Variants in DNAJC10 observed in about 807,000 individuals in gnomAD.
DNAJC10 encodes the protein DnaJ heat shock protein family (Hsp40) member C10, also known as endoplasmic reticulum disulfide reductase DNAJC10.
DNAJC10 carries 101 observed loss-of-function variants against 115.0 expected under a neutral mutation model. The ratio of observed to expected loss-of-function variants is 0.88; its 90% CI spans 0.75 to 1.04. The LOEUF (loss-of-function observed/expected upper bound fraction) is 1.04, where lower values mean the gene tolerates loss of function less well. Among genes scored for constraint, DNAJC10 ranks in the 50% least tolerant of loss-of-function variants. The pLI is 0.00. For synonymous variants in DNAJC10, 307 were observed against 301.5 expected (o/e 1.02, Z -0.19); for missense variants, 981 against 928.8 (o/e 1.06, Z -0.73).
rs1333958880 is a variant in DNAJC10 at position 182,720,043 on chromosome 2, A to G, written c.241A>G (p.Asn81Asp). 6.3e-7 allele frequency: 1 copy of G among 1,587,072 alleles called. No homozygotes were observed. The highest frequency in any genetic ancestry group is 1.3e-5 in the African/African-American group (1 of 74,202). Residue 81 changes from asparagine (N) to aspartate (D), a missense_variant, in exon 4 of 24, where the codon AAT becomes GAT. Coordinates refer to ENST00000264065, the MANE Select transcript of DNAJC10 (RefSeq NM_018981.4). ...PNAHGDFLKINRAYEVLKDED... is the reference protein window; with the variant it reads ...PNAHGDFLKIDRAYEVLKDED... ...TGCACATGGCGATTTTTTAAAAATA[A>G]ATAGAGCATATGAAGTACTCAAAGA...
Position 182,789,645 on chromosome 2 carries a change from G to A in DNAJC10, c.*12513G>A, listed in dbSNP as rs1171226804. 2 of 152,186 alleles carry A rather than the reference G, an allele frequency of 1.3e-5. No individual in the cohort carries two copies. The highest frequency in any genetic ancestry group is 2.9e-5 in the Non-Finnish European group (2 of 68,048). The allele number at this position is 152,186 out of a possible 1,614,324, so 9.4% of individuals were successfully genotyped here. ...GCAAATAATGCTGCTATAAACATGG[G>A]TGTACAAATATCAGAAACCCTGCTT... On this transcript the variant is annotated 3_prime_UTR_variant, in exon 24 of 24. Transcript: ENST00000264065.
Position 182,721,982 on chromosome 2 carries a change from G to A in DNAJC10, c.368-43G>A, listed in dbSNP as rs186478814. On this transcript the variant is annotated intron_variant, in intron 4 of 23. Transcript: ENST00000264065. ...CTATTTTTATGTTGCAATTTATATGGTGAAGTTTTGATTTTATAATTTTTA... is the reference window on the plus strand; with the variant it reads ...CTATTTTTATGTTGCAATTTATATGATGAAGTTTTGATTTTATAATTTTTA... 222 of 1,135,586 alleles carry A rather than the reference G, an allele frequency of 2.0e-4. 1 individual carries two copies. In the African/African-American group the frequency reaches 3.5e-3, roughly 18 times the overall value. 70.3% of individuals were successfully genotyped at this position (1,135,586 alleles called of 1,614,324 possible).
chr2:182,773,680 A>G lies in DNAJC10; in HGVS notation c.2266-1636A>G, dbSNP rs188635558. Among the ~76,000 whole-genome samples, 7 of 152,344 alleles carry G rather than the reference A, an allele frequency of 4.6e-5. No homozygotes were observed. The East Asian group carries it at 9.6e-4, about 21-fold the overall frequency. On this transcript the variant is annotated intron_variant, in intron 22 of 23. Coordinates refer to ENST00000264065, the MANE Select transcript of DNAJC10 (RefSeq NM_018981.4). Reference sequence around the variant, plus strand: ...TTGTGCCATGGTTTTCAACTCCATCAGGTCCTTTAAGGTCTTCTCTACACT... The same window carrying G: ...TTGTGCCATGGTTTTCAACTCCATCGGGTCCTTTAAGGTCTTCTCTACACT...
At chr2:182,733,827 A>AGATTGATT (rs1553488441) in intron 10 of DNAJC10, among the ~76,000 whole-genome samples, 2 of 144,022 alleles carry the variant, frequency 1.4e-5, no homozygotes, top group African/African-American at 2.6e-5. Flanking sequence ...ATAGATAGAT[A>AGATTGATT]GATTTTCTAC....
rs529385788 is a variant in DNAJC10 at position 182,780,389 on chromosome 2, C to G, written c.*3257C>G. ...CCACCTCCTCTCTTTCTCGCTCCTT[C>G]TCTGTGTGACATGCCTTCTCCCCCC... On this transcript the variant is annotated 3_prime_UTR_variant, in exon 24 of 24. Transcript: ENST00000264065. 6.6e-6 allele frequency: 1 copy of G among 152,242 alleles called. No individual in the cohort carries two copies. Among genetic ancestry groups the G allele is most frequent in the East Asian group, 1.9e-4 (1 of 5,192 alleles). 9.4% of individuals were successfully genotyped at this position (152,242 alleles called of 1,614,324 possible). A position where few individuals can be genotyped will look rare whatever the true frequency, so the allele number is the denominator to read the frequency against.
chr2:182,754,535 T>C (rs536111601), intron 16 of DNAJC10, among the ~76,000 whole-genome samples: 1 of 152,348 alleles, frequency 6.6e-6, no homozygotes, highest in South Asian at 2.1e-4. Flanking sequence ...CATAATTCTT[T>C]AACCTAAAAT....
intron 22 of DNAJC10, among the ~76,000 whole-genome samples, chr2:182,766,500 G>A (rs1363462216): frequency 6.6e-6 from 1 of 152,140 alleles, no homozygotes; most frequent in Non-Finnish European, 1.5e-5. Context: ...ATGTCTTGGT[G>A]AGGAAAAGTT....
intron 21 of DNAJC10, among the ~76,000 whole-genome samples, chr2:182,761,820 C>G (rs984502984): frequency 6.6e-6 from 1 of 151,960 alleles, no homozygotes; most frequent in Non-Finnish European, 1.5e-5. Context: ...GGCACCTGTT[C>G]ACAGTGAAAA....
Position 182,775,422 on chromosome 2 carries a change from T to A in DNAJC10, c.2370+2T>A. The stretch of plus-strand genomic sequence containing the variant: ...CGAAATCAAGGCAAGAGGAATAAGG[T>A]ATGGACTAAGCCTAGAGTTGACTTT... On this transcript the variant is annotated splice_donor_variant, in intron 23 of 23. Coordinates refer to ENST00000264065, the MANE Select transcript of DNAJC10 (RefSeq NM_018981.4). LOFTEE classifies it high-confidence loss of function. The A allele has an allele frequency of 6.2e-7, 1 of 1,601,350 alleles. No individual in the cohort carries two copies. Among genetic ancestry groups the A allele is most frequent in the Non-Finnish European group, 8.5e-7 (1 of 1,169,720 alleles).
chr2:182,729,178 TCA>T, intron 7 of DNAJC10, 184 bp downstream of exon 7: 1 of 570,790 alleles, frequency 1.8e-6, no homozygotes, highest in Admixed American at 3.2e-5. Flanking sequence ...AGATGGAGTC[TCA>T]CTCTGTTGCC....
At chr2:182,721,142 A>G (rs1381128626) in intron 4 of DNAJC10, among the ~76,000 whole-genome samples, 1 of 152,130 alleles carries the variant, frequency 6.6e-6, no homozygotes, top group Non-Finnish European at 1.5e-5. Context: ...TTAACCTCAA[A>G]TGCAGGCTAA....
chr2:182,739,544 G>T, intron 11 of DNAJC10: 1 of 1,219,758 alleles, frequency 8.2e-7, no homozygotes, highest in Non-Finnish European at 1.1e-6. Flanking sequence ...TATAATAACA[G>T]CTGCTTCATT....
intron 4 of DNAJC10, 55 bp from the exon 5 acceptor site, chr2:182,721,970 G>T: frequency 2.0e-6 from 2 of 1,003,130 alleles, no homozygotes; most frequent in Non-Finnish European, 2.9e-6. Context: ...TTTTTATGTT[G>T]CAATTTATAT....
intron 22 of DNAJC10, among the ~76,000 whole-genome samples, chr2:182,774,415 G>T (rs1694649087): frequency 6.6e-6 from 1 of 152,240 alleles, no homozygotes; most frequent in Non-Finnish European, 1.5e-5. Flanking sequence ...GTCTGCAGAA[G>T]TTGTCTGCTG....
intron 14 of DNAJC10, among the ~76,000 whole-genome samples, chr2:182,745,676 AAACT>A (rs1693843118): frequency 6.6e-6 from 1 of 151,942 alleles, no homozygotes; most frequent in East Asian, 1.9e-4. Context: ...ACAGACAAGT[AAACT>A]AACAAATTTT....
In DNAJC10 at chr2:182,759,324, TTAAA is replaced by T. The variant is rs1387560708; in HGVS notation, c.2145+21_2145+24del. ...TTGGCTAGGGTAAGTCATACCTGTCTTAAATAAGTTGTAGCCACATTCATGTTTT... is the reference window on the plus strand; with the variant it reads ...TTGGCTAGGGTAAGTCATACCTGTCTTAAGTTGTAGCCACATTCATGTTTT... On this transcript the variant is annotated intron_variant, in intron 21 of 23. Transcript: ENST00000264065. 5 of 1,593,652 alleles carry T rather than the reference TTAAA, an allele frequency of 3.1e-6. No individual in the cohort carries two copies. The highest frequency in any genetic ancestry group is 3.4e-6 in the Non-Finnish European group (4 of 1,175,084).
chr2:182,720,090 T>C lies in DNAJC10; in HGVS notation c.288T>C (p.Tyr96=). The C allele has an allele frequency of 5.6e-6, 9 of 1,610,714 alleles. No individual in the cohort carries two copies. Among genetic ancestry groups the C allele is most frequent in the Non-Finnish European group, 6.8e-6 (8 of 1,177,438 alleles). The part of the protein sequence containing the change: ...VLKDEDLRKK[Y]DKYGEKGLED... The stretch of plus-strand genomic sequence containing the variant: ...AAGATGAAGATCTACGGAAAAAGTA[T>C]GACAAATATGGAGAAAAGGGACTTG... Residue 96 remains tyrosine (Y), a synonymous_variant, in exon 4 of 24, where the codon TAT becomes TAC. Coordinates refer to ENST00000264065, the MANE Select transcript of DNAJC10 (RefSeq NM_018981.4).
At chr2:182,762,531 G>T in intron 21 of DNAJC10, 151 bp from the exon 22 acceptor site, 1 of 767,538 alleles carries the variant, frequency 1.3e-6, no homozygotes. Context: ...GGCTTAAAGG[G>T]ATAATGTGGA....
In DNAJC10 at chr2:182,757,714, T is replaced by G. The variant is rs1442887900; in HGVS notation, c.1832T>G (p.Val611Gly). The G allele has an allele frequency of 1.3e-6, 2 of 1,583,780 alleles. No individual in the cohort carries two copies. The highest frequency in any genetic ancestry group is 1.7e-6 in the Non-Finnish European group (2 of 1,167,918). ...CAGACATTAACTGGACTGATCAACG[T>G]GGGCAGTATAGATTGCCAACAGTAT... ...MARTLTGLIN[V>G]GSIDCQQYHS... Residue 611 changes from valine to glycine, a missense_variant, in exon 19 of 24, where the codon GTG becomes GGG. Coordinates refer to ENST00000264065, the MANE Select transcript of DNAJC10 (RefSeq NM_018981.4).
Sources: gnomAD v4.1 joint callset for allele counts (sites outside exome capture counted in the v4.1 genomes callset) on GRCh38, gnomAD v4.1.1 for gene constraint, MANE v1.5 for transcripts, NCBI Gene and HGNC (gene_info 2026-07-23, HGNC 2026-07-21) for gene names.